Variants in ANKS1B observed in about 807,000 individuals in gnomAD.
ANKS1B encodes ankyrin repeat and sterile alpha motif domain-containing protein 1B.
ANKS1B carries 36 observed loss-of-function variants against 148.3 expected under a neutral mutation model. That is an observed-to-expected ratio of 0.24 (90% CI 0.19 to 0.32). The LOEUF (loss-of-function observed/expected upper bound fraction) is 0.32, where lower values mean the gene tolerates loss of function less well. ANKS1B is among the 10% of genes least tolerant of loss of function. ANKS1B has a pLI of 1.00. For missense variants in ANKS1B, 1,157 were observed against 1,542.6 expected (o/e 0.75, Z 4.19); for synonymous variants, 542 against 560.8 (o/e 0.97, Z 0.47).
chr12:99,722,254 G>A (rs1374115281), intron 8 of ANKS1B, among the ~76,000 whole-genome samples: 4 of 152,188 alleles, frequency 2.6e-5, no homozygotes, highest in African/African-American at 4.8e-5. Flanking sequence ...GCCTTCTATT[G>A]GAAGAAGATT....
chr12:99,436,023 A>G (rs2095454814), intron 11 of ANKS1B, among the ~76,000 whole-genome samples: 1 of 151,628 alleles, frequency 6.6e-6, no homozygotes, highest in African/African-American at 2.4e-5. Flanking sequence ...ATTTTCTATT[A>G]CGTCTATCTT....
At chr12:98,994,298 G>C (rs1598180728) in intron 17 of ANKS1B, among the ~76,000 whole-genome samples, 1 of 152,144 alleles carries the variant, frequency 6.6e-6, no homozygotes, top group East Asian at 1.9e-4. Flanking sequence ...TAGTTTGCTA[G>C]GGCTGCCATA....
At chr12:99,020,879 G>T (rs574295770) in intron 17 of ANKS1B, among the ~76,000 whole-genome samples, 5 of 152,202 alleles carry the variant, frequency 3.3e-5, no homozygotes, top group African/African-American at 1.2e-4. Context: ...AGAAGTGCAG[G>T]AGAAGAGAGA....
At chr12:99,415,119 G>A (rs2094854401) in intron 11 of ANKS1B, among the ~76,000 whole-genome samples, 1 of 150,442 alleles carries the variant, frequency 6.6e-6, no homozygotes, top group Non-Finnish European at 1.5e-5. Flanking sequence ...GACCTGAAAA[G>A]CATTTTGACC....
intron 1 of ANKS1B, among the ~76,000 whole-genome samples, chr12:99,920,047 G>A (rs1350683564): frequency 2.0e-5 from 3 of 152,110 alleles, no homozygotes; most frequent in Non-Finnish European, 1.5e-5. Flanking sequence ...CAGCACTGAT[G>A]TAGAGTCCTC....
chr12:99,626,052 T>C (rs888316200), intron 9 of ANKS1B, among the ~76,000 whole-genome samples: 7 of 152,118 alleles, frequency 4.6e-5, no homozygotes, highest in African/African-American at 1.7e-4. Context: ...CCTAAATCTT[T>C]CTATGAGGTG....
chr12:98,948,947 C>T (rs533932026), intron 17 of ANKS1B, among the ~76,000 whole-genome samples: 95 of 84,830 alleles, frequency 1.1e-3, no homozygotes, highest in African/African-American at 3.7e-3. Flanking sequence ...GCATGAGCTA[C>T]TTTTTTTTTT....
intron 12 of ANKS1B, among the ~76,000 whole-genome samples, chr12:99,371,769 AC>A (rs1401419812): frequency 3.9e-5 from 6 of 152,262 alleles, no homozygotes; most frequent in African/African-American, 1.2e-4. Flanking sequence ...AAGGAAAAAA[AC>A]ATTCCTGTGA....
chr12:99,182,258 C>T (rs1002507716), intron 14 of ANKS1B, among the ~76,000 whole-genome samples: 6 of 152,158 alleles, frequency 3.9e-5, no homozygotes, highest in Non-Finnish European at 8.8e-5. Flanking sequence ...GATTCAATCA[C>T]CTCCTACCAG....
chr12:99,085,373 A>T (rs947393147), intron 15 of ANKS1B, among the ~76,000 whole-genome samples: 3 of 147,090 alleles, frequency 2.0e-5, no homozygotes, highest in Admixed American at 6.7e-5. Flanking sequence ...AATAAATAAA[A>T]AAAGATCCAA....
chr12:99,196,924 A>G (rs1311880905), intron 14 of ANKS1B, among the ~76,000 whole-genome samples: 1 of 152,138 alleles, frequency 6.6e-6, no homozygotes, highest in Non-Finnish European at 1.5e-5. Flanking sequence ...GCTTCCTCTC[A>G]GTGACAGGGA....
intron 19 of ANKS1B, 33 bp from the exon 20 acceptor site, chr12:98,807,951 A>G: frequency 6.4e-7 from 1 of 1,563,802 alleles, no homozygotes; most frequent in Non-Finnish European, 8.8e-7. Context: ...TTATCTTGTC[A>G]ATATTTAAAA....
At chr12:99,698,582 T>A (rs1313171067) in intron 8 of ANKS1B, among the ~76,000 whole-genome samples, 1 of 152,110 alleles carries the variant, frequency 6.6e-6, no homozygotes, top group Non-Finnish European at 1.5e-5. Context: ...AAAAAAATGC[T>A]TTCTACCATT....
At chr12:99,617,512 CATT>C (rs34296666) in intron 9 of ANKS1B, among the ~76,000 whole-genome samples, 56,185 of 151,642 alleles carry the variant, frequency 0.37, 10,785 homozygotes, top group African/African-American at 0.41. Context: ...TGGAAACCAT[CATT>C]CTCAGCAAAC....
chr12:99,075,432 T>A (rs1417694205), intron 16 of ANKS1B, among the ~76,000 whole-genome samples: 2 of 152,154 alleles, frequency 1.3e-5, no homozygotes, highest in East Asian at 3.9e-4. Flanking sequence ...AGAAATAAAT[T>A]TAACAGTGTT....
Position 99,406,227 on chromosome 12 carries a change from TC to T in ANKS1B, c.1576-6417del, listed in dbSNP as rs1009720219. On this transcript the variant is annotated intron_variant, in intron 11 of 26. Transcript: ENST00000683438. Reference sequence around the variant, plus strand: ...AACAGTTACAGAATATACATTCTTCTCCTTAGTACATGAATAATTCTCAAAG... The same window carrying T: ...AACAGTTACAGAATATACATTCTTCTCTTAGTACATGAATAATTCTCAAAG... Among the ~76,000 whole-genome samples, 4 of 145,176 alleles carry T rather than the reference TC, an allele frequency of 2.8e-5. 1 individual carries two copies. Among genetic ancestry groups the T allele is most frequent in the Non-Finnish European group, 6.1e-5 (4 of 65,840 alleles).
chr12:98,810,148 T>C (rs2099083339), intron 19 of ANKS1B, among the ~76,000 whole-genome samples: 1 of 152,232 alleles, frequency 6.6e-6, no homozygotes, highest in Non-Finnish European at 1.5e-5. Context: ...CCACCAGCCA[T>C]AACTACAGCT....
chr12:99,619,756 A>G (rs2098022168), intron 9 of ANKS1B, among the ~76,000 whole-genome samples: 1 of 152,180 alleles, frequency 6.6e-6, no homozygotes, highest in Non-Finnish European at 1.5e-5. Flanking sequence ...CCCCCTGCAG[A>G]GAACTTGGGG....
Position 98,743,981 on chromosome 12 carries a change from C to G in ANKS1B, c.*1758G>C. The G allele has an allele frequency of 1.0e-6, 1 of 982,352 alleles. No homozygotes were observed. Among genetic ancestry groups the G allele is most frequent in the Non-Finnish European group, 1.2e-6 (1 of 827,158 alleles). The allele number at this position is 982,352 out of a possible 1,614,324, so 60.9% of individuals were successfully genotyped here. ...AACGATGCCAAGCACCACTGCTGTA[C>G]AACTTCTGTTTTATTTTTGTGTGCT... is the stretch of plus-strand genomic sequence containing the variant. On this transcript the variant is annotated 3_prime_UTR_variant, in exon 27 of 27. Coordinates refer to ENST00000683438, the MANE Select transcript of ANKS1B (RefSeq NM_001352186.2).
Sources: gnomAD v4.1 joint callset for allele counts (sites outside exome capture counted in the v4.1 genomes callset) on GRCh38, gnomAD v4.1.1 for gene constraint, MANE v1.5 for transcripts, NCBI Gene and HGNC (gene_info 2026-07-23, HGNC 2026-07-21) for gene names.